The following CSMD1 variants were observed in gnomAD, a reference collection of about 807,000 sequenced individuals.
The protein encoded by CSMD1 is CUB and Sushi multiple domains 1.
A neutral mutation model predicts 417.5 loss-of-function variants in CSMD1; 213 were observed. That is an observed-to-expected ratio of 0.51 (90% CI 0.46 to 0.57). The LOEUF is 0.57. CSMD1 is among the 20% of genes least tolerant of loss of function. The pLI is 0.00. For synonymous variants in CSMD1, 2,862 were observed against 1,736.8 expected (o/e 1.65, Z -16.11); for missense variants, 6,923 against 4,529.7 (o/e 1.53, Z -15.17).
intron 3 of CSMD1, among the ~76,000 whole-genome samples, chr8:4,133,712 A>G (rs1803248300): frequency 1.4e-4 from 1 of 6,972 alleles, no homozygotes; most frequent in African/African-American, 1.5e-4. Context: ...ATAAAGTGTA[A>G]TCTCAAGACT....
At chr8:4,655,326 A>G (rs1804159410) in intron 1 of CSMD1, among the ~76,000 whole-genome samples, 1 of 152,058 alleles carries the variant, frequency 6.6e-6, no homozygotes, top group Non-Finnish European at 1.5e-5. Context: ...CTCAATGGCC[A>G]CTGGTTGCAA....
At chr8:3,608,592 T>A (rs992635929) in intron 8 of CSMD1, among the ~76,000 whole-genome samples, 3 of 151,894 alleles carry the variant, frequency 2.0e-5, no homozygotes, top group African/African-American at 7.2e-5. Context: ...TGAAACCCCG[T>A]CTCTATTAAA....
At chr8:4,217,067 T>C (rs1201147631) in intron 3 of CSMD1, among the ~76,000 whole-genome samples, 1 of 152,214 alleles carries the variant, frequency 6.6e-6, no homozygotes, top group African/African-American at 2.4e-5. Flanking sequence ...TAGTGTCCTG[T>C]GTCTGTTATA....
At position 3,101,516 on chromosome 8, in the gene CSMD1, G is replaced by A. The variant is rs536024320; in HGVS notation, c.6950-4479C>T. Among the ~76,000 whole-genome samples the A allele has an allele frequency of 7.9e-5, 12 of 152,182 alleles. No homozygotes were observed. The South Asian group carries it at 2.5e-3, about 32-fold the overall frequency. On this transcript the variant is annotated intron_variant, in intron 46 of 69. Transcript: ENST00000635120. ...CAGCTCACTGCAAGCTCCACCTCCG[G>A]GGTTCACACCATTCTCCTGCCTCAG... is the stretch of plus-strand genomic sequence containing the variant.
chr8:3,254,530 G>T (rs1472458522), intron 26 of CSMD1, among the ~76,000 whole-genome samples: 2 of 152,054 alleles, frequency 1.3e-5, no homozygotes, highest in African/African-American at 2.4e-5. Context: ...CGTAGATTTG[G>T]TCTTTTCACA....
At chr8:3,786,788 T>C (rs1799479853) in intron 5 of CSMD1, among the ~76,000 whole-genome samples, 1 of 152,274 alleles carries the variant, frequency 6.6e-6, no homozygotes, top group Non-Finnish European at 1.5e-5. Context: ...TCCCCTTGCG[T>C]CCTCAGGTGG....
At chr8:3,752,609 G>GCA (rs1797401440) in intron 6 of CSMD1, among the ~76,000 whole-genome samples, 2 of 136,522 alleles carry the variant, frequency 1.5e-5, no homozygotes, top group African/African-American at 5.7e-5. Flanking sequence ...AGGCAAGACT[G>GCA]CACCACTGCA....
At chr8:4,117,602 G>T (rs1018108138) in intron 3 of CSMD1, among the ~76,000 whole-genome samples, 2 of 152,156 alleles carry the variant, frequency 1.3e-5, no homozygotes, top group African/African-American at 4.8e-5. Flanking sequence ...TTTTTACAAA[G>T]GACTTCCAGT....
chr8:3,075,851 G>C (rs191552206), intron 49 of CSMD1, among the ~76,000 whole-genome samples: 1,911 of 149,862 alleles, frequency 0.013, 33 homozygotes, highest in African/African-American at 0.044. Context: ...ACCATCCTGG[G>C]TAACATGGGG....
chr8:4,312,985 CG>C (rs748324378), intron 3 of CSMD1, among the ~76,000 whole-genome samples: 91 of 152,070 alleles, frequency 6.0e-4, no homozygotes, highest in Non-Finnish European at 1.2e-3. Flanking sequence ...GTAAGTTTTG[CG>C]GGGAAATGAA....
chr8:4,963,963 A>G (rs1211513647), intron 1 of CSMD1, among the ~76,000 whole-genome samples: 1 of 152,208 alleles, frequency 6.6e-6, no homozygotes, highest in Non-Finnish European at 1.5e-5. Flanking sequence ...CAAATACTCT[A>G]TAACATATAG....
intron 12 of CSMD1, among the ~76,000 whole-genome samples, chr8:3,425,234 G>A (rs114480621): frequency 3.3e-5 from 5 of 152,134 alleles, no homozygotes; most frequent in African/African-American, 1.2e-4. Context: ...TTGGTTTCAG[G>A]CATCCACTGG....
Position 4,151,855 on chromosome 8 carries a change from G to A in CSMD1, c.416-119756C>T, listed in dbSNP as rs77727758. Among the ~76,000 whole-genome samples, 157 of 152,106 alleles carry A rather than the reference G, an allele frequency of 1.0e-3. 3 individuals carry two copies. In the East Asian group the frequency reaches 0.027, roughly 27 times the overall value. On this transcript the variant is annotated intron_variant, in intron 3 of 69. Coordinates refer to ENST00000635120, the MANE Select transcript of CSMD1 (RefSeq NM_033225.6). ...TAGCATGAATCAATTATATTTCCAT[G>A]TACCTTTTCTATTGCAGGCACACAT...
intron 1 of CSMD1, among the ~76,000 whole-genome samples, chr8:4,759,353 C>T (rs1334711902): frequency 6.6e-6 from 1 of 152,172 alleles, no homozygotes; most frequent in African/African-American, 2.4e-5. Context: ...CAATAAAGGG[C>T]AGTGGACAGG....
chr8:4,219,250 G>C (rs759445128), intron 3 of CSMD1, among the ~76,000 whole-genome samples: 4 of 152,084 alleles, frequency 2.6e-5, no homozygotes, highest in Admixed American at 2.0e-4. Flanking sequence ...GCTAAATATA[G>C]TTACCACTTT....
At chr8:4,479,448 G>C (rs929942428) in intron 2 of CSMD1, among the ~76,000 whole-genome samples, 7 of 152,094 alleles carry the variant, frequency 4.6e-5, no homozygotes, top group African/African-American at 1.7e-4. Flanking sequence ...CAATATATTT[G>C]GTGCAACTTA....
At chr8:3,305,519 C>G (rs1040218158) in intron 25 of CSMD1, among the ~76,000 whole-genome samples, 2 of 152,018 alleles carry the variant, frequency 1.3e-5, no homozygotes, top group Non-Finnish European at 2.9e-5. Context: ...GAGGGAGCCC[C>G]TGATAAAAGG....
chr8:3,027,733 T>C (rs1006281499), intron 51 of CSMD1, among the ~76,000 whole-genome samples: 3 of 152,086 alleles, frequency 2.0e-5, no homozygotes. Flanking sequence ...CCGCTCCGTG[T>C]CAGAAACACC....
chr8:4,156,137 C>T (rs974261143), intron 3 of CSMD1, among the ~76,000 whole-genome samples: 1 of 152,168 alleles, frequency 6.6e-6, no homozygotes, highest in Non-Finnish European at 1.5e-5. Flanking sequence ...AGTCCCTCTG[C>T]CTCACACCAC....
Sources: gnomAD v4.1 joint callset for allele counts (sites outside exome capture counted in the v4.1 genomes callset) on GRCh38, gnomAD v4.1.1 for gene constraint, MANE v1.5 for transcripts, NCBI Gene and HGNC (gene_info 2026-07-23, HGNC 2026-07-21) for gene names.